Variants in FNIP2 observed in about 807,000 individuals in gnomAD.
FNIP2 encodes the protein folliculin-interacting protein 2.
In FNIP2, 32 loss-of-function variants were observed where a neutral mutation model predicts 108.7. The ratio of observed to expected loss-of-function variants is 0.29; its 90% CI spans 0.22 to 0.40. The LOEUF is 0.40. Ranked by LOEUF, FNIP2 falls within the 10% of genes least tolerant of loss-of-function variation. The pLI is 1.00. For missense variants in FNIP2, 1,202 were observed against 1,381.6 expected, an observed-to-expected ratio of 0.87 and a Z score of 2.06; for synonymous variants, 480 against 496.7, an observed-to-expected ratio of 0.97 and a Z score of 0.45.
intron 1 of FNIP2, among the ~76,000 whole-genome samples, chr4:158,816,978 T>A (rs1431453586): frequency 6.6e-6 from 1 of 152,122 alleles, no homozygotes; most frequent in Non-Finnish European, 1.5e-5. Flanking sequence ...ATGGGCCATT[T>A]ATAGAGATTC....
chr4:158,847,717 T>C (rs1292399575), intron 7 of FNIP2, among the ~76,000 whole-genome samples: 1 of 152,124 alleles, frequency 6.6e-6, no homozygotes, highest in Admixed American at 6.5e-5. Context: ...GTTCCAGACA[T>C]TGGCTCTTGG....
chr4:158,800,151 T>G (rs764503396), intron 1 of FNIP2, among the ~76,000 whole-genome samples: 5 of 152,192 alleles, frequency 3.3e-5, no homozygotes, highest in African/African-American at 4.8e-5. Flanking sequence ...TTTCTTTTCC[T>G]TATCTCTGTG....
At chr4:158,875,301 T>G (rs1781206802) in intron 14 of FNIP2, among the ~76,000 whole-genome samples, 1 of 151,844 alleles carries the variant, frequency 6.6e-6, no homozygotes, top group African/African-American at 2.4e-5. Flanking sequence ...GGCAGGGTCA[T>G]CAAGACCAAA....
intron 1 of FNIP2, among the ~76,000 whole-genome samples, chr4:158,774,327 A>G (rs1273975069): frequency 6.6e-6 from 1 of 152,176 alleles, no homozygotes; most frequent in Non-Finnish European, 1.5e-5. Flanking sequence ...ATTTTGCTCT[A>G]ATGAATTTGT....
At chr4:158,870,129 C>T (rs1217164888) in intron 13 of FNIP2, among the ~76,000 whole-genome samples, 184 bp from the exon 14 acceptor site, 4 of 151,928 alleles carry the variant, frequency 2.6e-5, no homozygotes, top group African/African-American at 7.3e-5. Flanking sequence ...TTTTTTCTTC[C>T]AGCCTTCCAC....
At chr4:158,901,572 C>T (rs1269630319) in intron 16 of FNIP2, among the ~76,000 whole-genome samples, 1 of 152,106 alleles carries the variant, frequency 6.6e-6, no homozygotes, top group East Asian at 1.9e-4. Flanking sequence ...GGATAATAAC[C>T]TGAAGTGTGT....
intron 14 of FNIP2, among the ~76,000 whole-genome samples, chr4:158,879,473 A>G (rs1355536339): frequency 2.0e-5 from 3 of 150,384 alleles, no homozygotes; most frequent in Non-Finnish European, 3.0e-5. Context: ...TGGCTTTTTC[A>G]GGGAACTGAA....
intron 6 of FNIP2, 137 bp downstream of exon 6, chr4:158,833,765 C>G (rs1778616227): frequency 2.1e-6 from 3 of 1,461,096 alleles, no homozygotes; most frequent in African/African-American, 2.8e-5. Flanking sequence ...TGTATGTGTA[C>G]TTTGTTTGCC....
At chr4:158,872,479 C>T (rs1303546844) in intron 14 of FNIP2, 2 of 985,244 alleles carry the variant, frequency 2.0e-6, no homozygotes, top group African/African-American at 3.5e-5. Flanking sequence ...TATGCAATCA[C>T]CCTGAGAGAT....
intron 14 of FNIP2, among the ~76,000 whole-genome samples, chr4:158,882,520 G>A (rs968318500): frequency 1.3e-5 from 2 of 152,278 alleles, no homozygotes; most frequent in African/African-American, 2.4e-5. Context: ...CATTGAGAAC[G>A]GGCCATGATG....
chr4:158,802,272 C>A (rs1271937441), intron 1 of FNIP2, among the ~76,000 whole-genome samples: 1 of 152,110 alleles, frequency 6.6e-6, no homozygotes, highest in African/African-American at 2.4e-5. Context: ...AGAGGAGGAT[C>A]ATTTGTGATG....
intron 7 of FNIP2, among the ~76,000 whole-genome samples, chr4:158,843,991 C>T (rs968375334): frequency 3.3e-5 from 5 of 152,148 alleles, no homozygotes; most frequent in South Asian, 4.1e-4. Context: ...TGTTTGGAAC[C>T]GTGATCACAT....
chr4:158,890,718 A>G (rs923159606), intron 14 of FNIP2, among the ~76,000 whole-genome samples: 18 of 152,204 alleles, frequency 1.2e-4, no homozygotes. Context: ...TAGGGTTCAA[A>G]TAGGCAACAA....
chr4:158,778,581 G>A (rs1032438593), intron 1 of FNIP2, among the ~76,000 whole-genome samples: 2 of 151,930 alleles, frequency 1.3e-5, no homozygotes, highest in African/African-American at 4.8e-5. Flanking sequence ...GATCACGTTC[G>A]CATAACTATG....
chr4:158,832,785 C>A (rs555659467), intron 5 of FNIP2, among the ~76,000 whole-genome samples: 1 of 152,054 alleles, frequency 6.6e-6, no homozygotes, highest in Non-Finnish European at 1.5e-5. Flanking sequence ...TTATTTCTTG[C>A]GAGATTTGTT....
chr4:158,863,819 G>A (rs1437945154), intron 12 of FNIP2, among the ~76,000 whole-genome samples: 1 of 152,056 alleles, frequency 6.6e-6, no homozygotes, highest in Non-Finnish European at 1.5e-5. Flanking sequence ...TTCCATATAG[G>A]TCTCTTTTTG....
At chr4:158,815,069 G>A (rs948576268) in intron 1 of FNIP2, among the ~76,000 whole-genome samples, 4 of 152,208 alleles carry the variant, frequency 2.6e-5, no homozygotes, top group Non-Finnish European at 4.4e-5. Context: ...CACAGTCAGC[G>A]TGCCTGACTC....
intron 1 of FNIP2, among the ~76,000 whole-genome samples, chr4:158,784,279 CT>C (rs2126432479): frequency 6.6e-6 from 1 of 152,276 alleles, no homozygotes; most frequent in African/African-American, 2.4e-5. Context: ...AATTCTGTTC[CT>C]TCTTCCAAAC....
chr4:158,883,052 T>C (rs1013841622), intron 14 of FNIP2, among the ~76,000 whole-genome samples: 1 of 148,230 alleles, frequency 6.7e-6, no homozygotes, highest in African/African-American at 2.5e-5. Flanking sequence ...AATCAGAAAC[T>C]ACAAGAAGCT....
Sources: allele counts gnomAD v4.1 joint callset (sites outside exome capture counted in the v4.1 genomes callset), GRCh38; gene constraint gnomAD v4.1.1; transcripts MANE v1.5; gene names NCBI Gene and HGNC (gene_info 2026-07-23, HGNC 2026-07-21).